Variants in LYN observed in about 807,000 individuals in gnomAD.
LYN encodes the protein tyrosine-protein kinase Lyn.
Under a neutral mutation model 65.0 loss-of-function variants are expected in LYN, and 12 were observed. The observed-to-expected ratio is 0.18, with a 90% CI of 0.12 to 0.30. The LOEUF (loss-of-function observed/expected upper bound fraction) is 0.30, where lower values mean the gene tolerates loss of function less well. LYN is among the 10% of genes least tolerant of loss of function. The probability of loss-of-function intolerance (pLI) is 1.00; values close to 1 mark genes in which losing one functional copy is unlikely to be tolerated. For synonymous variants in LYN, 222 were observed against 221.2 expected (o/e 1.00, Z -0.03); for missense variants, 380 against 623.2 (o/e 0.61, Z 4.16).
At chr8:55,887,729 C>G (rs1483576539) in intron 1 of LYN, among the ~76,000 whole-genome samples, 1 of 151,656 alleles carries the variant, frequency 6.6e-6, no homozygotes, top group Non-Finnish European at 1.5e-5. Context: ...TGTGCTTCAG[C>G]CTCCTGAGTA....
At chr8:55,986,191 C>CCA (rs914583156) in intron 10 of LYN, among the ~76,000 whole-genome samples, 19 of 150,898 alleles carry the variant, frequency 1.3e-4, no homozygotes, top group Non-Finnish European at 2.4e-4. Flanking sequence ...AGAATCCCCC[C>CCA]CGCAAAAAAA....
chr8:56,013,790 G>C lies in LYN; in HGVS notation c.*3680G>C, dbSNP rs1808878467. 2.6e-5 allele frequency: 4 copies of C among 152,238 alleles called. No individual in the cohort carries two copies. Among genetic ancestry groups the C allele is most frequent in the Admixed American group, 2.0e-4 (3 of 15,272 alleles). 9.4% of individuals were successfully genotyped at this position (152,238 alleles called of 1,614,324 possible). A position where few individuals can be genotyped will look rare whatever the true frequency, so the allele number is the denominator to read the frequency against. ...CCTCAGCCAAGAACACCTCTCAGAT[G>C]AGATCAAACCGCCCAGCTTTCCTCT... On this transcript the variant is annotated 3_prime_UTR_variant, in exon 13 of 13. Coordinates refer to ENST00000519728, the MANE Select transcript of LYN (RefSeq NM_002350.4).
chr8:56,009,316 A>G (rs1399500014), intron 12 of LYN, among the ~76,000 whole-genome samples: 3 of 152,182 alleles, frequency 2.0e-5, no homozygotes, highest in Non-Finnish European at 4.4e-5. Context: ...ATTTTGGCAA[A>G]CTGAATGCTG....
At chr8:55,937,932 G>T (rs1339037186) in intron 1 of LYN, among the ~76,000 whole-genome samples, 1 of 152,126 alleles carries the variant, frequency 6.6e-6, no homozygotes, top group Non-Finnish European at 1.5e-5. Context: ...CCTGACCTCA[G>T]ATGATCCACC....
intron 10 of LYN, among the ~76,000 whole-genome samples, chr8:55,975,964 G>C (rs762959855): frequency 6.6e-6 from 1 of 152,086 alleles, no homozygotes; most frequent in African/African-American, 2.4e-5. Context: ...GGTGCTTTTG[G>C]CCTGCAGGCA....
At chr8:55,893,313 A>G (rs1316730272) in intron 1 of LYN, among the ~76,000 whole-genome samples, 1 of 152,226 alleles carries the variant, frequency 6.6e-6, no homozygotes, top group African/African-American at 2.4e-5. Flanking sequence ...ATAAATGCAA[A>G]TATGTGGGTG....
At chr8:56,000,047 T>C (rs1052210770) in intron 12 of LYN, among the ~76,000 whole-genome samples, 3 of 152,200 alleles carry the variant, frequency 2.0e-5, no homozygotes, top group African/African-American at 7.2e-5. Flanking sequence ...GACACTTCTT[T>C]GCCTCCTTAT....
chr8:55,992,631 A>T (rs1180331617), intron 10 of LYN, among the ~76,000 whole-genome samples: 1 of 152,190 alleles, frequency 6.6e-6, no homozygotes, highest in African/African-American at 2.4e-5. Context: ...CTCAAAGGCA[A>T]CGTGTTGAGA....
intron 8 of LYN, among the ~76,000 whole-genome samples, chr8:55,966,331 T>G (rs1483503385): frequency 2.0e-5 from 3 of 151,994 alleles, no homozygotes; most frequent in Non-Finnish European, 2.9e-5. Context: ...TGTAATTAAA[T>G]TTTTTGCTAA....
Position 55,971,719 on chromosome 8 carries a change from T to C in LYN, c.1050+1926T>C, listed in dbSNP as rs547755002. Among the ~76,000 whole-genome samples, 154 of 152,372 alleles carry C rather than the reference T, an allele frequency of 1.0e-3. 3 individuals are homozygous for C. The highest frequency in any genetic ancestry group is 2.7e-3 in the South Asian group (13 of 4,830). ...ATGGCTTATCTTGTAAGACTTTATC[T>C]TGACATAGTCAAAGCTTTTAAGGTC... On this transcript the variant is annotated intron_variant, in intron 10 of 12. Transcript: ENST00000519728.
chr8:55,914,951 G>C (rs1337723104), intron 1 of LYN, among the ~76,000 whole-genome samples: 1 of 152,118 alleles, frequency 6.6e-6, no homozygotes, highest in Non-Finnish European at 1.5e-5. Flanking sequence ...TGTGTGCCTG[G>C]GGTTTCACCT....
chr8:55,943,560 A>T (rs1184363860), intron 2 of LYN, among the ~76,000 whole-genome samples: 1 of 137,114 alleles, frequency 7.3e-6, no homozygotes, highest in African/African-American at 2.7e-5. Context: ...TGGGTGACAG[A>T]GCGAGACTCT....
At position 55,947,957 on chromosome 8, in the gene LYN, G is replaced by T. The variant is rs145538987; in HGVS notation, c.284+234G>T. On this transcript the variant is annotated intron_variant, in intron 4 of 12. Transcript: ENST00000519728. ...TTCAGGGGGTTTCCCTTTGAAGACA[G>T]ACAGTGGTTTTTCTTTAAAACAATT... Among the ~76,000 whole-genome samples, 18 of 151,402 alleles carry T rather than the reference G, an allele frequency of 1.2e-4. No individual in the cohort carries two copies. In the East Asian group the frequency reaches 3.5e-3, roughly 29 times the overall value.
At chr8:55,889,794 G>A (rs1804901442) in intron 1 of LYN, among the ~76,000 whole-genome samples, 1 of 152,090 alleles carries the variant, frequency 6.6e-6, no homozygotes, top group South Asian at 2.1e-4. Flanking sequence ...TTCATGTGGG[G>A]GCTGAAATCC....
intron 10 of LYN, among the ~76,000 whole-genome samples, chr8:55,982,301 G>A (rs189605817): frequency 6.6e-6 from 1 of 151,324 alleles, no homozygotes; most frequent in African/African-American, 2.4e-5. Context: ...CTTCAGATTT[G>A]GTTTTGTTTT....
chr8:55,953,946 A>T lies in LYN; in HGVS notation c.752A>T (p.Lys251Ile), dbSNP rs1333413333. ...CCCCGGGAGTCCATCAAGTTGGTGA[A>T]AAGGCTTGGCGCTGGGCAGTTTGGG... ...EIPRESIKLV[K>I]RLGAGQFGEV... Residue 251 changes from lysine to isoleucine, a missense_variant, in exon 8 of 13, where the codon AAA becomes ATA. By Grantham distance (102) the Lys-to-Ile change is moderately radical (BLOSUM62 -3). Transcript: ENST00000519728. 6.2e-7 allele frequency: 1 copy of T among 1,614,028 alleles called. No homozygotes were observed. Among genetic ancestry groups the T allele is most frequent in the Non-Finnish European group, 8.5e-7 (1 of 1,180,018 alleles).
chr8:55,957,672 G>A (rs1692749675), intron 8 of LYN, among the ~76,000 whole-genome samples: 1 of 152,298 alleles, frequency 6.6e-6, no homozygotes, highest in Non-Finnish European at 1.5e-5. Flanking sequence ...GCAGGGCACG[G>A]TGGCTCACAC....
chr8:55,930,194 A>C (rs1806219873), intron 1 of LYN, among the ~76,000 whole-genome samples: 1 of 152,192 alleles, frequency 6.6e-6, no homozygotes, highest in South Asian at 2.1e-4. Context: ...TGCTCTAGCT[A>C]ACCTAGACTC....
intron 1 of LYN, chr8:55,893,798 T>TG (rs1243471784): frequency 8.0e-6 from 1 of 124,672 alleles, no homozygotes; most frequent in Non-Finnish European, 1.8e-5. Context: ...TGTTTTGTTT[T>TG]GTTTTTTTTT....
Sources: allele counts gnomAD v4.1 joint callset (sites outside exome capture counted in the v4.1 genomes callset), GRCh38; gene constraint gnomAD v4.1.1; transcripts MANE v1.5; gene names NCBI Gene and HGNC (gene_info 2026-07-23, HGNC 2026-07-21).